The following FBXL2 variants were observed in gnomAD, a reference collection of about 807,000 sequenced individuals.
FBXL2 encodes the protein F-box/LRR-repeat protein 2.
In FBXL2, 38 loss-of-function variants were observed where a neutral mutation model predicts 69.2. The observed-to-expected ratio is 0.55, with a 90% confidence interval of 0.42 to 0.72. FBXL2 has a LOEUF of 0.72. Among genes scored for constraint, FBXL2 ranks in the 30% least tolerant of loss-of-function variants. The pLI is 0.00. For missense variants in FBXL2, 354 were observed against 520.3 expected (o/e 0.68, Z 3.11); for synonymous variants, 192 against 201.3 (o/e 0.95, Z 0.39).
intron 2 of FBXL2, among the ~76,000 whole-genome samples, chr3:33,313,486 C>T (rs771870074): frequency 6.6e-6 from 1 of 152,166 alleles, no homozygotes; most frequent in Non-Finnish European, 1.5e-5. Flanking sequence ...CACTCTGTCA[C>T]CCAGGCTGGA....
downstream of FBXL2, among the ~76,000 whole-genome samples, chr3:33,403,925 T>A (rs932370454): frequency 6.6e-6 from 1 of 152,142 alleles, no homozygotes; most frequent in South Asian, 2.1e-4. Flanking sequence ...AAGAAAGGCA[T>A]CACATCTAAC....
intron 1 of FBXL2, among the ~76,000 whole-genome samples, chr3:33,283,797 A>G (rs1001970940): frequency 6.6e-6 from 1 of 152,162 alleles, no homozygotes; most frequent in African/African-American, 2.4e-5. Flanking sequence ...GTGTCCAGGA[A>G]TTTATCCATT....
intron 2 of FBXL2, among the ~76,000 whole-genome samples, chr3:33,313,109 A>G (rs1463204118): frequency 2.8e-5 from 4 of 144,192 alleles, no homozygotes; most frequent in Non-Finnish European, 4.5e-5. Context: ...TCAGAGTGAG[A>G]CTCCGTCTCC....
rs1382514831 is a variant in FBXL2 at position 33,373,876 on chromosome 3, G to T, written c.612G>T (p.Gln204His). The T allele has an allele frequency of 4.3e-6, 7 of 1,614,066 alleles. No homozygotes were observed. The highest frequency in any genetic ancestry group is 2.7e-5 in the African/African-American group (2 of 74,932). The change falls in exon 9 of 15, where the codon CAG becomes CAT. Residue 204 changes from glutamine (Q) to histidine (H), a missense_variant. Coordinates refer to ENST00000484457, the MANE Select transcript of FBXL2 (RefSeq NM_012157.5). ...AAGATGAAGCTCTGAAACACATTCA[G>T]AATTACTGCCATGAGCTTGTGAGCC... ...QLEDEALKHI[Q>H]NYCHELVSLN...
At chr3:33,371,733 G>T (rs1389933343) in intron 5 of FBXL2, among the ~76,000 whole-genome samples, 4 of 151,994 alleles carry the variant, frequency 2.6e-5, no homozygotes, top group Non-Finnish European at 5.9e-5. Context: ...TTACTTTGTT[G>T]GGTGCAGATA....
At chr3:33,287,441 G>A (rs1377208054) in intron 1 of FBXL2, among the ~76,000 whole-genome samples, 2 of 152,052 alleles carry the variant, frequency 1.3e-5, no homozygotes, top group Non-Finnish European at 2.9e-5. Flanking sequence ...ATTCTTCAAT[G>A]TCCCTAAGAA....
In FBXL2 at chr3:33,378,737, C is replaced by T; in HGVS notation, c.947C>T (p.Ala316Val). 1 of 1,614,024 alleles carries T rather than the reference C, an allele frequency of 6.2e-7. No individual in the cohort carries two copies. The highest frequency in any genetic ancestry group is 8.5e-7 in the Non-Finnish European group (1 of 1,179,966). ...TCCATTCACTGTCCTAAACTGCAAG[C>T]CCTGGTGAGTCTGAGTTTTTCTGAC... Reference protein sequence around the residue: ...QLSIHCPKLQALSLSHCELIT... With the variant: ...QLSIHCPKLQVLSLSHCELIT... The change falls in exon 13 of 15, where the codon GCC becomes GTC. Residue 316 changes from alanine to valine, a missense_variant. Coordinates refer to ENST00000484457, the MANE Select transcript of FBXL2 (RefSeq NM_012157.5).
At chr3:33,401,019 G>C in intron 12 of FBXL2, 4 of 1,586,662 alleles carry the variant, frequency 2.5e-6, no homozygotes, top group Non-Finnish European at 3.4e-6. Context: ...AAGAATTGCT[G>C]GGGAGAAAGG....
At chr3:33,292,114 T>A (rs773375758) in intron 1 of FBXL2, among the ~76,000 whole-genome samples, 1 of 152,248 alleles carries the variant, frequency 6.6e-6, no homozygotes, top group Non-Finnish European at 1.5e-5. Context: ...GCACAGTGGC[T>A]CATGCTTGTA....
At chr3:33,328,947 A>G (rs1424861644) in intron 2 of FBXL2, among the ~76,000 whole-genome samples, 2 of 152,164 alleles carry the variant, frequency 1.3e-5, no homozygotes, top group Non-Finnish European at 2.9e-5. Flanking sequence ...GAGACAACCC[A>G]CAGAATGGGA....
downstream of FBXL2, among the ~76,000 whole-genome samples, chr3:33,407,645 T>A (rs2044463023): frequency 6.6e-6 from 1 of 152,150 alleles, no homozygotes; most frequent in African/African-American, 2.4e-5. Context: ...AGAGAAGCAT[T>A]AAAACATTTT....
chr3:33,375,223 C>T, intron 9 of FBXL2, 65 bp from the exon 10 acceptor site: 1 of 1,581,406 alleles, frequency 6.3e-7, no homozygotes, highest in Non-Finnish European at 8.6e-7. Flanking sequence ...AGATACTTTT[C>T]TGCTGCTCCC....
rs573373435 is a variant in FBXL2, at chr3:33,356,452, C to T, written c.66-2515C>T. Among the ~76,000 whole-genome samples, 8 of 152,148 alleles carry T rather than the reference C, an allele frequency of 5.3e-5. No individual in the cohort carries two copies. The South Asian group carries it at 1.0e-3, about 20-fold the overall frequency. The stretch of plus-strand genomic sequence containing the variant: ...GCAACCTCTGCCTCCTGGGTTCAAG[C>T]GATTCTCCTGCCTCAGCCTCCTAAG... On this transcript the variant is annotated intron_variant, in intron 2 of 14. Coordinates refer to ENST00000484457, the MANE Select transcript of FBXL2 (RefSeq NM_012157.5).
the FBXL2 span, chr3:33,411,812 C>A: frequency 1.4e-6 from 1 of 721,022 alleles, no homozygotes; most frequent in Non-Finnish European, 2.3e-6. Context: ...TCAATGGTCT[C>A]CATGATCAAC....
intron 13 of FBXL2, chr3:33,382,911 T>C (rs1392217787): frequency 6.6e-6 from 1 of 152,284 alleles, no homozygotes; most frequent in Non-Finnish European, 1.5e-5. Flanking sequence ...CGTCCTCTTA[T>C]TTCCCACCTA....
chr3:33,303,217 A>AT (rs1444777921), intron 2 of FBXL2: 1 of 453,566 alleles, frequency 2.2e-6, no homozygotes, highest in Non-Finnish European at 4.4e-6. Context: ...ATCTATGCAG[A>AT]TTTTCCCTCT....
At position 33,279,812 on chromosome 3, in the gene FBXL2, A is replaced by G. The variant is rs960666716; in HGVS notation, c.3+2297A>G. On this transcript the variant is annotated intron_variant, in intron 1 of 14. Coordinates refer to ENST00000484457, the MANE Select transcript of FBXL2 (RefSeq NM_012157.5). Reference sequence around the variant, plus strand: ...TTTCTAAGAGTCGTAAATGATCACAACAACCTTGTGATGAAGATACCTTTA... The same window carrying G: ...TTTCTAAGAGTCGTAAATGATCACAGCAACCTTGTGATGAAGATACCTTTA... Among the ~76,000 whole-genome samples, 4 of 152,310 alleles carry G rather than the reference A, an allele frequency of 2.6e-5. No homozygotes were observed. The South Asian group carries it at 8.3e-4, about 32-fold the overall frequency.
At position 33,364,787 on chromosome 3, in the gene FBXL2, G is replaced by A. The variant is rs187069734; in HGVS notation, c.290+68G>A. 1.4e-3 allele frequency: 1,765 copies of A among 1,252,548 alleles called. 4 individuals are homozygous for A. Among genetic ancestry groups the A allele is most frequent in the Non-Finnish European group, 1.6e-3 (1,329 of 851,406 alleles). 77.6% of individuals were successfully genotyped at this position (1,252,548 alleles called of 1,614,324 possible). A position where few individuals can be genotyped will look rare whatever the true frequency, so the allele number is the denominator to read the frequency against. On this transcript the variant is annotated intron_variant, in intron 5 of 14. Coordinates refer to ENST00000484457, the MANE Select transcript of FBXL2 (RefSeq NM_012157.5). The stretch of plus-strand genomic sequence containing the variant: ...ATTTTCATCAGCAAAAATAAACCAA[G>A]CCTATTACATGCTCTTCTTCTGTTA...
At chr3:33,281,194 CT>C (rs1559479903) in intron 1 of FBXL2, among the ~76,000 whole-genome samples, 1 of 152,100 alleles carries the variant, frequency 6.6e-6, no homozygotes, top group East Asian at 1.9e-4. Context: ...TCCCTCCGCC[CT>C]CCCCCTACCC....
Sources: allele counts gnomAD v4.1 joint callset (sites outside exome capture counted in the v4.1 genomes callset), GRCh38; gene constraint gnomAD v4.1.1; transcripts MANE v1.5; gene names NCBI Gene and HGNC (gene_info 2026-07-23, HGNC 2026-07-21).